The following F13A1 variants were observed in gnomAD, a reference collection of about 807,000 sequenced individuals.
The protein encoded by F13A1 is coagulation factor XIII A chain, also known as FSF, A subunit.
Under a neutral mutation model 80.1 loss-of-function variants are expected in F13A1, and 47 were observed. That is an observed-to-expected ratio of 0.59 (90% CI 0.46 to 0.75). The LOEUF is 0.75. Among genes scored for constraint, F13A1 ranks in the 30% least tolerant of loss-of-function variants. The pLI, the probability that F13A1 is intolerant of heterozygous loss-of-function variation, is 0.00. For synonymous variants in F13A1, 349 were observed against 344.9 expected, an observed-to-expected ratio of 1.01 and a Z score of -0.13; for missense variants, 817 against 930.4, an observed-to-expected ratio of 0.88 and a Z score of 1.59.
At chr6:6,212,779 G>GA (rs1761642611) in intron 8 of F13A1, among the ~76,000 whole-genome samples, 1 of 151,996 alleles carries the variant, frequency 6.6e-6, no homozygotes, top group Admixed American at 6.5e-5. Flanking sequence ...TGAAAACTTT[G>GA]AAAAAAATTT....
intron 2 of F13A1, among the ~76,000 whole-genome samples, chr6:6,314,404 G>A (rs945657832): frequency 6.6e-6 from 1 of 152,156 alleles, no homozygotes; most frequent in Non-Finnish European, 1.5e-5. Context: ...TGTGATGCCT[G>A]CCATCTTTTC....
intron 3 of F13A1, among the ~76,000 whole-genome samples, chr6:6,293,426 G>GAGGCTGC (rs1459924112): frequency 6.6e-6 from 1 of 151,918 alleles, no homozygotes; most frequent in Non-Finnish European, 1.5e-5. Context: ...ATGATTTGTC[G>GAGGCTGC]AGGCTGCAGG....
At position 6,145,746 on chromosome 6, in the gene F13A1, TG is replaced by T. The variant is rs1561941639; in HGVS notation, c.2071del (p.Gln691SerfsTer16). 2.5e-6 allele frequency: 4 copies of T among 1,614,088 alleles called. No individual in the cohort carries two copies. The highest frequency in any genetic ancestry group is 3.4e-6 in the Non-Finnish European group (4 of 1,179,990). Reference sequence around the variant, plus strand: ...CCAGGGCCGGCACACTTCTTCCCACTGCACGGTGGAGTTGGGCCGGATTTCA... The same window carrying T: ...CCAGGGCCGGCACACTTCTTCCCACTCACGGTGGAGTTGGGCCGGATTTCA... ...FREIRPNSTV[Q>X]WEEVCRPWVS... On this transcript the variant is annotated frameshift_variant, in exon 15 of 15. Coordinates refer to ENST00000264870, the MANE Select transcript of F13A1 (RefSeq NM_000129.4). LOFTEE classifies it high-confidence loss of function.
chr6:6,159,159 C>T (rs549873490), intron 13 of F13A1, among the ~76,000 whole-genome samples: 91 of 152,116 alleles, frequency 6.0e-4, no homozygotes, highest in Non-Finnish European at 6.0e-4. Context: ...CCTCGGCCTC[C>T]CAAAGTGCTG....
intron 3 of F13A1, among the ~76,000 whole-genome samples, chr6:6,287,416 A>G (rs1758154044): frequency 6.6e-6 from 1 of 152,236 alleles, no homozygotes; most frequent in Non-Finnish European, 1.5e-5. Context: ...AGAGGTCATC[A>G]TAAGATACAA....
At chr6:6,191,801 G>A (rs1158573190) in intron 10 of F13A1, among the ~76,000 whole-genome samples, 1 of 152,218 alleles carries the variant, frequency 6.6e-6, no homozygotes, top group African/African-American at 2.4e-5. Flanking sequence ...ATGCCTTCCT[G>A]GCACTGGACC....
At chr6:6,278,901 G>A (rs1274127968) in intron 3 of F13A1, among the ~76,000 whole-genome samples, 4 of 152,198 alleles carry the variant, frequency 2.6e-5, no homozygotes, top group Non-Finnish European at 5.9e-5. Flanking sequence ...CACTTTGGTT[G>A]TTCTGTGAAG....
intron 2 of F13A1, among the ~76,000 whole-genome samples, chr6:6,306,467 T>C (rs1422927344): frequency 1.3e-5 from 2 of 152,266 alleles, no homozygotes; most frequent in East Asian, 3.8e-4. Context: ...AGATGACACG[T>C]ATGCAAGCAT....
chr6:6,194,976 T>C (rs771923821), intron 10 of F13A1, among the ~76,000 whole-genome samples: 29 of 152,210 alleles, frequency 1.9e-4, no homozygotes, highest in African/African-American at 6.8e-4. Context: ...GCTAAGAGCA[T>C]CCAATGGTAG....
At chr6:6,146,228 G>A (rs1760276942) in intron 14 of F13A1, among the ~76,000 whole-genome samples, 1 of 152,168 alleles carries the variant, frequency 6.6e-6, no homozygotes, top group Admixed American at 6.5e-5. Context: ...ACTCGAATTA[G>A]CTTTTGCCAA....
intron 8 of F13A1, among the ~76,000 whole-genome samples, chr6:6,207,486 A>G (rs1761516972): frequency 6.6e-6 from 1 of 152,258 alleles, no homozygotes; most frequent in Admixed American, 6.5e-5. Flanking sequence ...ACACTTTGAA[A>G]GAAAAAACAG....
At chr6:6,269,608 G>A (rs914824637) in intron 3 of F13A1, among the ~76,000 whole-genome samples, 1 of 151,954 alleles carries the variant, frequency 6.6e-6, no homozygotes, top group African/African-American at 2.4e-5. Context: ...GATTTTCTGA[G>A]TTGTTAATGA....
At chr6:6,148,338 C>G (rs1760320030) in intron 14 of F13A1, among the ~76,000 whole-genome samples, 1 of 152,094 alleles carries the variant, frequency 6.6e-6, no homozygotes, top group African/African-American at 2.4e-5. Context: ...GCACCGCCTT[C>G]TTTGTTCCTG....
chr6:6,265,933 G>A (rs954216489), intron 4 of F13A1, among the ~76,000 whole-genome samples: 1 of 152,138 alleles, frequency 6.6e-6, no homozygotes, highest in Non-Finnish European at 1.5e-5. Context: ...ACATATATTA[G>A]GTTGGTGAGG....
intron 13 of F13A1, among the ~76,000 whole-genome samples, chr6:6,154,442 G>C (rs758828458): frequency 2.0e-5 from 3 of 152,170 alleles, no homozygotes; most frequent in Non-Finnish European, 4.4e-5. Context: ...ATGCATCTTT[G>C]TTGCAGAGCT....
intron 6 of F13A1, among the ~76,000 whole-genome samples, chr6:6,229,873 C>T (rs111853906): frequency 6.6e-6 from 1 of 152,172 alleles, no homozygotes; most frequent in African/African-American, 2.4e-5. Context: ...TCCGACTTCA[C>T]CTGGTGCTGG....
intron 3 of F13A1, among the ~76,000 whole-genome samples, chr6:6,293,037 C>T (rs906832376): frequency 2.6e-5 from 4 of 152,218 alleles, no homozygotes; most frequent in African/African-American, 9.7e-5. Flanking sequence ...TCCTTCTCCT[C>T]ATCTTTCTGC....
intron 3 of F13A1, among the ~76,000 whole-genome samples, chr6:6,276,205 GCTCT>G (rs1305443694): frequency 1.3e-5 from 2 of 152,202 alleles, no homozygotes. Flanking sequence ...ACGCTCCTCT[GCTCT>G]CTGACTTCGA....
chr6:6,285,254 G>T (rs1040891644), intron 3 of F13A1, among the ~76,000 whole-genome samples: 3 of 152,038 alleles, frequency 2.0e-5, no homozygotes, highest in African/African-American at 7.2e-5. Context: ...AACTCAAAAA[G>T]AAAAAAGACA....
Sources: allele counts gnomAD v4.1 joint callset (sites outside exome capture counted in the v4.1 genomes callset), GRCh38; gene constraint gnomAD v4.1.1; transcripts MANE v1.5; gene names NCBI Gene and HGNC (gene_info 2026-07-23, HGNC 2026-07-21).